The following CHCHD3 variants were observed in gnomAD, a reference collection of about 807,000 sequenced individuals.
CHCHD3 encodes the protein MICOS complex subunit MIC19.
Under a neutral mutation model 38.2 loss-of-function variants are expected in CHCHD3, and 20 were observed. The ratio of observed to expected loss-of-function variants is 0.52; its 90% CI spans 0.37 to 0.76. CHCHD3 has a LOEUF of 0.76. Among genes scored for constraint, CHCHD3 ranks in the 30% least tolerant of loss-of-function variants. The probability of loss-of-function intolerance (pLI) is 0.00; values close to 1 mark genes in which losing one functional copy is unlikely to be tolerated. For synonymous variants in CHCHD3, 82 were observed against 100.0 expected, an observed-to-expected ratio of 0.82 and a Z score of 1.07; for missense variants, 245 against 279.2, an observed-to-expected ratio of 0.88 and a Z score of 0.87.
intron 6 of CHCHD3, among the ~76,000 whole-genome samples, chr7:132,802,316 T>C (rs898928811): frequency 2.6e-5 from 4 of 152,050 alleles, no homozygotes; most frequent in Non-Finnish European, 4.4e-5. Context: ...CCTGACACGA[T>C]GGGACTCCCC....
At chr7:133,014,808 G>A (rs1333012263) in intron 3 of CHCHD3, among the ~76,000 whole-genome samples, 3 of 152,010 alleles carry the variant, frequency 2.0e-5, no homozygotes, top group East Asian at 1.9e-4. Flanking sequence ...TTCCCCCACC[G>A]TGAAAGGTGC....
intron 4 of CHCHD3, among the ~76,000 whole-genome samples, chr7:132,929,239 T>C (rs1367298926): frequency 6.6e-6 from 1 of 152,182 alleles, no homozygotes; most frequent in African/African-American, 2.4e-5. Context: ...AGTTTCTCAC[T>C]GAGGCTCATT....
In CHCHD3 at chr7:132,893,979, T is replaced by A. The variant is rs183883336; in HGVS notation, c.370-8234A>T. Reference sequence around the variant, plus strand: ...TAATGCAAAAGTATATCTGCTATTCTCTTAAATAAGAATGCAGAGCCAAAA... The same window carrying A: ...TAATGCAAAAGTATATCTGCTATTCACTTAAATAAGAATGCAGAGCCAAAA... On this transcript the variant is annotated intron_variant, in intron 4 of 7. Transcript: ENST00000262570. Among the ~76,000 whole-genome samples, 140 of 152,362 alleles carry A rather than the reference T, an allele frequency of 9.2e-4. 2 individuals carry two copies. Among genetic ancestry groups the A allele is most frequent in the Non-Finnish European group, 4.0e-4 (27 of 68,040 alleles).
intron 2 of CHCHD3, among the ~76,000 whole-genome samples, chr7:133,058,579 T>C (rs889700934): frequency 6.6e-6 from 1 of 152,268 alleles, no homozygotes; most frequent in Non-Finnish European, 1.5e-5. Flanking sequence ...ATATTTTTGA[T>C]TTAAATCAAA....
intron 2 of CHCHD3, among the ~76,000 whole-genome samples, chr7:133,036,669 A>G (rs561892566): frequency 1.3e-5 from 2 of 152,330 alleles, no homozygotes; most frequent in East Asian, 3.9e-4. Flanking sequence ...TTTATTTCTA[A>G]TCTACAAATT....
chr7:132,898,544 C>T (rs1433645291), intron 4 of CHCHD3, among the ~76,000 whole-genome samples: 1 of 152,240 alleles, frequency 6.6e-6, no homozygotes, highest in Non-Finnish European at 1.5e-5. Context: ...CTGGCTTCAC[C>T]CAGTGGATCC....
At chr7:133,031,307 A>G (rs1813496123) in intron 2 of CHCHD3, among the ~76,000 whole-genome samples, 2 of 152,112 alleles carry the variant, frequency 1.3e-5, no homozygotes, top group Non-Finnish European at 2.9e-5. Flanking sequence ...ATAATTATAC[A>G]TTTTAGATAG....
chr7:132,817,126 T>C (rs1807220093), intron 6 of CHCHD3, among the ~76,000 whole-genome samples: 1 of 152,100 alleles, frequency 6.6e-6, no homozygotes, highest in Non-Finnish European at 1.5e-5. Flanking sequence ...CTGCCAGCTC[T>C]AAAGAAAAGG....
intron 4 of CHCHD3, among the ~76,000 whole-genome samples, chr7:132,896,406 G>A (rs1417606526): frequency 2.0e-5 from 3 of 152,094 alleles, no homozygotes; most frequent in Admixed American, 6.5e-5. Flanking sequence ...TAATTCCTGA[G>A]AACAAGGCAT....
intron 7 of CHCHD3, 99 bp downstream of exon 7, chr7:132,796,343 T>C: frequency 4.4e-6 from 6 of 1,377,490 alleles, no homozygotes; most frequent in Non-Finnish European, 6.0e-6. Flanking sequence ...CTTAGAAAGC[T>C]TTTTCACACA....
intron 4 of CHCHD3, among the ~76,000 whole-genome samples, chr7:132,961,508 T>C (rs181149380): frequency 1.3e-5 from 2 of 150,956 alleles, no homozygotes; most frequent in Admixed American, 1.3e-4. Flanking sequence ...GTATGCAGCA[T>C]GATGACTTTA....
chr7:132,937,849 T>C (rs973492117), intron 4 of CHCHD3, among the ~76,000 whole-genome samples: 2 of 152,224 alleles, frequency 1.3e-5, no homozygotes, highest in African/African-American at 4.8e-5. Flanking sequence ...TTTAATATGA[T>C]GGCTGGTATT....
chr7:132,944,630 A>G (rs183513967), intron 4 of CHCHD3, among the ~76,000 whole-genome samples: 40 of 151,904 alleles, frequency 2.6e-4, no homozygotes, highest in Admixed American at 5.2e-4. Context: ...AAAAATGTAT[A>G]AATAGTAGTA....
intron 4 of CHCHD3, among the ~76,000 whole-genome samples, chr7:132,924,145 G>A (rs1219394479): frequency 1.3e-5 from 2 of 152,208 alleles, no homozygotes; most frequent in African/African-American, 4.8e-5. Context: ...GCATTTCCAT[G>A]AGAGTAAGAT....
chr7:133,036,767 G>A (rs1379078189), intron 2 of CHCHD3, among the ~76,000 whole-genome samples: 1 of 152,130 alleles, frequency 6.6e-6, no homozygotes, highest in Non-Finnish European at 1.5e-5. Flanking sequence ...TAAACAGAAT[G>A]AAACTCTTCA....
At chr7:132,820,615 T>G (rs966787253) in intron 6 of CHCHD3, among the ~76,000 whole-genome samples, 1 of 148,894 alleles carries the variant, frequency 6.7e-6, no homozygotes, top group Non-Finnish European at 1.5e-5. Flanking sequence ...GCTAGTGTTT[T>G]TTTTTTTTTT....
chr7:133,058,006 G>A (rs1427951592), intron 2 of CHCHD3, among the ~76,000 whole-genome samples: 1 of 152,094 alleles, frequency 6.6e-6, no homozygotes, highest in Non-Finnish European at 1.5e-5. Context: ...CAAAAGCAGT[G>A]TATGGGCTCA....
intron 6 of CHCHD3, among the ~76,000 whole-genome samples, chr7:132,825,878 A>G (rs1334701178): frequency 6.6e-6 from 1 of 152,174 alleles, no homozygotes. Context: ...CTCCTTGCCA[A>G]CACACCCCTT....
chr7:132,982,574 C>T (rs1811946543), intron 3 of CHCHD3, among the ~76,000 whole-genome samples: 1 of 152,196 alleles, frequency 6.6e-6, no homozygotes, highest in African/African-American at 2.4e-5. Flanking sequence ...CGAAAGCCAC[C>T]ACACCCAGCC....
Sources: gnomAD v4.1 joint callset for allele counts (sites outside exome capture counted in the v4.1 genomes callset) on GRCh38, gnomAD v4.1.1 for gene constraint, MANE v1.5 for transcripts, NCBI Gene and HGNC (gene_info 2026-07-23, HGNC 2026-07-21) for gene names.